Variants in PTPRQ observed in about 807,000 individuals in gnomAD.
The protein encoded by PTPRQ is phosphatidylinositol phosphatase PTPRQ.
In PTPRQ, 199 loss-of-function variants were observed where a neutral mutation model predicts 246.0. That is an observed-to-expected ratio of 0.81 (90% confidence interval 0.72 to 0.91). The LOEUF is 0.91. PTPRQ is among the 40% of genes least tolerant of loss of function. The pLI, the probability that PTPRQ is intolerant of heterozygous loss-of-function variation, is 0.00. For synonymous variants in PTPRQ, 869 were observed against 853.2 expected, an observed-to-expected ratio of 1.02 and a Z score of -0.32; for missense variants, 2,624 against 2,528.4, an observed-to-expected ratio of 1.04 and a Z score of -0.81.
intron 8 of PTPRQ, among the ~76,000 whole-genome samples, chr12:80,478,031 G>C (rs1045067091): frequency 6.6e-6 from 1 of 152,244 alleles, no homozygotes; most frequent in Non-Finnish European, 1.5e-5. Flanking sequence ...GCCCACAACA[G>C]CTCAAGGAGG....
At chr12:80,539,530 G>A (rs779826230) in intron 19 of PTPRQ, among the ~76,000 whole-genome samples, 8 of 152,062 alleles carry the variant, frequency 5.3e-5, no homozygotes, top group Non-Finnish European at 1.2e-4. Context: ...TGTTGGCTTG[G>A]AGTTTTTATT....
At chr12:80,549,820 C>A in intron 25 of PTPRQ, 86 bp downstream of exon 25, 1 of 1,430,716 alleles carries the variant, frequency 7.0e-7, no homozygotes, top group Non-Finnish European at 9.2e-7. Context: ...TTATAGCATA[C>A]TTATCTAAAC....
intron 33 of PTPRQ, among the ~76,000 whole-genome samples, chr12:80,627,477 T>C (rs1021044583): frequency 1.7e-4 from 26 of 151,676 alleles, no homozygotes; most frequent in African/African-American, 6.3e-4. Context: ...ATATGCATCT[T>C]TATCAGGAGC....
At chr12:80,558,069 T>C (rs2120904207) in intron 25 of PTPRQ, among the ~76,000 whole-genome samples, 1 of 149,770 alleles carries the variant, frequency 6.7e-6, no homozygotes, top group South Asian at 2.2e-4. Context: ...CTTCCTTCCC[T>C]TCCCTTCCCT....
chr12:80,470,860 G>C (rs2120539302), intron 7 of PTPRQ, among the ~76,000 whole-genome samples: 1 of 152,312 alleles, frequency 6.6e-6, no homozygotes, highest in South Asian at 2.1e-4. Flanking sequence ...GAAAAAAGTT[G>C]CATGAAATTG....
intron 3 of PTPRQ, among the ~76,000 whole-genome samples, chr12:80,447,502 G>A (rs1264704374): frequency 6.6e-6 from 1 of 151,906 alleles, no homozygotes; most frequent in Non-Finnish European, 1.5e-5. Context: ...GTTTTACCTA[G>A]TTTTTCTTAC....
At chr12:80,606,809 TTTTAGTATGTAA>T (rs1240402047) in intron 27 of PTPRQ, among the ~76,000 whole-genome samples, 8 of 150,908 alleles carry the variant, frequency 5.3e-5, no homozygotes, top group African/African-American at 1.9e-4. Flanking sequence ...TTTGTGAAGA[TTTTAGTATGTAA>T]TTAGCCAAAA....
intron 3 of PTPRQ, among the ~76,000 whole-genome samples, chr12:80,453,404 G>T (rs189276422): frequency 6.6e-6 from 1 of 152,180 alleles, no homozygotes; most frequent in Non-Finnish European, 1.5e-5. Context: ...TTCTGTTGCT[G>T]GTGAGGAACT....
At chr12:80,497,438 G>A (rs1894664648) in intron 14 of PTPRQ, among the ~76,000 whole-genome samples, 1 of 152,056 alleles carries the variant, frequency 6.6e-6, no homozygotes, top group East Asian at 1.9e-4. Context: ...TCAGGCGATA[G>A]GGAGTGGCTG....
chr12:80,524,679 C>A (rs1895626847), intron 17 of PTPRQ, among the ~76,000 whole-genome samples: 1 of 152,004 alleles, frequency 6.6e-6, no homozygotes, highest in Non-Finnish European at 1.5e-5. Context: ...TACTAGTTAC[C>A]ATTTTGAGAC....
chr12:80,481,912 G>T (rs573522621), intron 8 of PTPRQ, among the ~76,000 whole-genome samples: 17 of 149,002 alleles, frequency 1.1e-4, no homozygotes, highest in African/African-American at 4.2e-4. Flanking sequence ...CATGCTCATG[G>T]GTAGGAAGAA....
intron 17 of PTPRQ, among the ~76,000 whole-genome samples, chr12:80,512,001 A>G (rs1400445960): frequency 6.6e-6 from 1 of 152,196 alleles, no homozygotes; most frequent in Admixed American, 6.5e-5. Flanking sequence ...TAGTCTGGGA[A>G]AGAGATGGTA....
rs76504995 is a variant in PTPRQ, at chr12:80,549,801, C to T, written c.4285+67C>T. The T allele has an allele frequency of 4.1e-3, 6,039 of 1,466,038 alleles. 191 individuals are homozygous for T. In the African/African-American group the frequency reaches 0.073, roughly 18 times the overall value. The allele number at this position is 1,466,038 out of a possible 1,614,324, so 90.8% of individuals were successfully genotyped here. On this transcript the variant is annotated intron_variant, in intron 25 of 44. Coordinates refer to ENST00000644991, the MANE Select transcript of PTPRQ (RefSeq NM_001145026.2). ...TATTTGGGGATTGTGTCAATACCAC[C>T]TGCAATCTTTATAGCATACTTATCT...
chr12:80,678,940 CTGTT>C, intron 44 of PTPRQ, 42 bp from the exon 45 acceptor site: 1 of 1,509,884 alleles, frequency 6.6e-7, no homozygotes, highest in Non-Finnish European at 8.8e-7. Flanking sequence ...CAATTTTGAA[CTGTT>C]AACTTCAACA....
intron 3 of PTPRQ, among the ~76,000 whole-genome samples, chr12:80,456,495 T>A (rs751538112): frequency 6.6e-6 from 1 of 152,148 alleles, no homozygotes. Flanking sequence ...TGTCAATATA[T>A]GCTATTGGGG....
Position 80,460,735 on chromosome 12 carries a change from A to T in PTPRQ, c.743A>T (p.His248Leu), listed in dbSNP as rs1893135846. Residue 248 changes from histidine (H) to leucine (L), a missense_variant, in exon 6 of 45, where the codon CAT (histidine) becomes CTT (leucine). By Grantham distance (99) the His-to-Leu change is moderately conservative (BLOSUM62 -3). Coordinates refer to ENST00000644991, the MANE Select transcript of PTPRQ (RefSeq NM_001145026.2). ...GRVTPPSRTT[H>L]SSSTLTQNEI... ...GTTACACCTCCATCGCGTACCACAC[A>T]TTCATCAAGCACGTTGACACAGAAT... The T allele has an allele frequency of 2.5e-6, 1 of 400,154 alleles. No homozygotes were observed. The highest frequency in any genetic ancestry group is 2.1e-5 in the African/African-American group (1 of 48,680). The allele number at this position is 400,154 out of a possible 1,614,324, so 24.8% of individuals were successfully genotyped here. A position where few individuals can be genotyped will look rare whatever the true frequency, so the allele number is the denominator to read the frequency against.
In PTPRQ at chr12:80,670,377, T is replaced by C. The variant is rs773066654; in HGVS notation, c.6487T>C (p.Phe2163Leu). 2.8e-4 allele frequency: 438 copies of C among 1,550,888 alleles called. No homozygotes were observed. The highest frequency in any genetic ancestry group is 3.6e-4 in the Non-Finnish European group (414 of 1,146,550). The change falls in exon 42 of 45, where the codon TTT (phenylalanine) becomes CTT (leucine). Residue 2163 changes from phenylalanine to leucine, a missense_variant. Physicochemically the swap from Phe to Leu is conservative, Grantham distance 22. Coordinates refer to ENST00000644991, the MANE Select transcript of PTPRQ (RefSeq NM_001145026.2). ...TTGCATGACTGTTCGACAGTGTAAC[T>C]TTACTGCCTGGCCAGAGCATGGGGT... is the stretch of plus-strand genomic sequence containing the variant. ...GDCMTVRQCNFTAWPEHGVPE... is the reference protein window; with the variant it reads ...GDCMTVRQCNLTAWPEHGVPE...
intron 35 of PTPRQ, among the ~76,000 whole-genome samples, chr12:80,644,286 C>T (rs148269359): frequency 1.1e-4 from 16 of 152,228 alleles, no homozygotes; most frequent in Admixed American, 7.2e-4. Context: ...GAATTTAAGA[C>T]AGTTAAGATT....
rs1236521117 is a variant in PTPRQ at position 80,635,011 on chromosome 12, A to G, written c.5853A>G (p.Lys1951=). The change falls in exon 35 of 45, where the codon AAA becomes AAG. Residue 1951 remains lysine (K), a synonymous_variant. Transcript: ENST00000644991. ...SPQDAEIIDT[K]LKLDQLITVA... ...AGGATGCAGAAATTATTGACACTAA[A>G]TTGAAGCTGGATCAGCTCATCACAG... The G allele has an allele frequency of 5.8e-6, 9 of 1,551,354 alleles. No individual in the cohort carries two copies. The East Asian group carries it at 1.5e-4, about 25-fold the overall frequency.
Sources: gnomAD v4.1 joint callset for allele counts (sites outside exome capture counted in the v4.1 genomes callset) on GRCh38, gnomAD v4.1.1 for gene constraint, MANE v1.5 for transcripts, NCBI Gene and HGNC (gene_info 2026-07-23, HGNC 2026-07-21) for gene names.